The following JPH2 variants were observed in gnomAD, a reference collection of about 807,000 sequenced individuals.
The protein encoded by JPH2 is junctophilin 2.
In JPH2, 38 loss-of-function variants were observed where a neutral mutation model predicts 55.9. The observed-to-expected ratio is 0.68, with a 90% CI of 0.52 to 0.89. The LOEUF is 0.89. Among genes scored for constraint, JPH2 ranks in the 40% least tolerant of loss-of-function variants. The pLI, the probability that JPH2 is intolerant of heterozygous loss-of-function variation, is 0.00. For synonymous variants in JPH2, 480 were observed against 472.4 expected (o/e 1.02, Z -0.21); for missense variants, 964 against 1,037.6 (o/e 0.93, Z 0.97).
chr20:44,180,287 T>A (rs1039594368), intron 1 of JPH2, among the ~76,000 whole-genome samples: 10 of 152,182 alleles, frequency 6.6e-5, no homozygotes, highest in Non-Finnish European at 1.3e-4. Context: ...TGCCTGGGAC[T>A]TAGTAAGCAC....
chr20:44,141,257 G>C (rs1286669293), intron 2 of JPH2, among the ~76,000 whole-genome samples: 1 of 152,186 alleles, frequency 6.6e-6, no homozygotes, highest in Non-Finnish European at 1.5e-5. Flanking sequence ...CTACATCTGG[G>C]GAAGGTCTTC....
intron 2 of JPH2, among the ~76,000 whole-genome samples, chr20:44,126,192 G>A (rs6065706): frequency 0.21 from 9,705 of 46,344 alleles, 878 homozygotes; most frequent in Admixed American, 0.3. Flanking sequence ...GGAAGGAAGG[G>A]AGGAAGGAAG....
intron 3 of JPH2, among the ~76,000 whole-genome samples, chr20:44,117,254 G>A (rs2072199680): frequency 6.6e-6 from 1 of 151,576 alleles, no homozygotes; most frequent in Admixed American, 6.6e-5. Flanking sequence ...ACTCCAGCCT[G>A]GTGACAGAGC....
chr20:44,120,613 T>C (rs917395301), intron 2 of JPH2, among the ~76,000 whole-genome samples: 3 of 152,184 alleles, frequency 2.0e-5, no homozygotes, highest in African/African-American at 7.2e-5. Context: ...AACTGGGATT[T>C]TGAACCCAGG....
At chr20:44,126,667 T>C (rs566232804) in intron 2 of JPH2, among the ~76,000 whole-genome samples, 10 of 152,160 alleles carry the variant, frequency 6.6e-5, no homozygotes, top group Non-Finnish European at 1.2e-4. Context: ...CCCTGACCCA[T>C]GGGACCTTCC....
At chr20:44,166,594 A>G (rs1490356080) in intron 1 of JPH2, among the ~76,000 whole-genome samples, 2 of 152,114 alleles carry the variant, frequency 1.3e-5, no homozygotes, top group Non-Finnish European at 1.5e-5. Context: ...CAGTCAGGCT[A>G]TATTAGGAAA....
chr20:44,151,586 T>C (rs1382258440), intron 2 of JPH2, among the ~76,000 whole-genome samples: 1 of 152,034 alleles, frequency 6.6e-6, no homozygotes, highest in East Asian at 1.9e-4. Context: ...GGGCAGCCAT[T>C]AGCTAGGAAG....
intron 1 of JPH2, chr20:44,177,876 T>C: frequency 3.7e-6 from 6 of 1,611,582 alleles, no homozygotes; most frequent in Non-Finnish European, 5.1e-6. Flanking sequence ...CGGGAATATA[T>C]ATTTTGGCAT....
intron 2 of JPH2, among the ~76,000 whole-genome samples, chr20:44,125,010 G>A (rs1402381101): frequency 1.3e-5 from 2 of 151,606 alleles, no homozygotes; most frequent in African/African-American, 4.8e-5. Context: ...TTAGAAGGCT[G>A]AGGCAGAGAA....
chr20:44,129,272 C>T (rs1445427437), intron 2 of JPH2, among the ~76,000 whole-genome samples: 2 of 152,054 alleles, frequency 1.3e-5, no homozygotes, highest in East Asian at 1.9e-4. Flanking sequence ...TGCTGCTTAG[C>T]GGCCGGGCGC....
At chr20:44,134,613 A>AT (rs1161930298) in intron 2 of JPH2, among the ~76,000 whole-genome samples, 2 of 4,194 alleles carry the variant, frequency 4.8e-4, no homozygotes, top group African/African-American at 2.0e-3. Flanking sequence ...TATTATAAAT[A>AT]TAATAAATAT....
chr20:44,159,620 G>A lies in JPH2; in HGVS notation c.1167C>T (p.Ser389=). 1.2e-6 allele frequency: 2 copies of A among 1,601,492 alleles called. No individual in the cohort carries two copies. Among genetic ancestry groups the A allele is most frequent in the Non-Finnish European group, 1.7e-6 (2 of 1,179,320 alleles). Residue 389 remains serine (S), a splice_region_variant and synonymous_variant, in exon 2 of 6, where the codon TCC becomes TCT. Transcript: ENST00000372980. The surrounding 1 kb of genome is among the most constrained non-coding windows in gnomAD (Gnocchi z 5.7). ...IARQKAEIAA[S]RTSHAKAKAE... is the part of the protein sequence containing the mutation. ...TCCCACCCCCACCGCTGTCCTACCT[G>A]GAGGCGGCAATCTCGGCCTTCTGGC... is the stretch of plus-strand genomic sequence containing the variant.
At chr20:44,123,051 CT>C (rs975430538) in intron 2 of JPH2, among the ~76,000 whole-genome samples, 5 of 152,200 alleles carry the variant, frequency 3.3e-5, no homozygotes, top group African/African-American at 1.2e-4. Flanking sequence ...CCCCACAGCC[CT>C]GGAAGATTCT....
At chr20:44,123,212 C>T (rs1239871613) in intron 2 of JPH2, among the ~76,000 whole-genome samples, 1 of 152,192 alleles carries the variant, frequency 6.6e-6, no homozygotes, top group Non-Finnish European at 1.5e-5. Flanking sequence ...TCCCATGCTC[C>T]CAATCTCTGA....
At chr20:44,147,466 A>G (rs2072501107) in intron 2 of JPH2, among the ~76,000 whole-genome samples, 1 of 152,252 alleles carries the variant, frequency 6.6e-6, no homozygotes, top group Admixed American at 6.5e-5. Context: ...AGATCTCAAA[A>G]CATATTACAT....
chr20:44,175,315 A>G lies in JPH2; in HGVS notation c.379+11012T>C, dbSNP rs77645433. On this transcript the variant is annotated intron_variant, in intron 1 of 5. Coordinates refer to ENST00000372980, the MANE Select transcript of JPH2 (RefSeq NM_020433.5). ...TATAATGGCTTAGATTTCTTTCTGTATGAATATAGGTGGGTCCACCTCTGT... is the reference window on the plus strand; with the variant it reads ...TATAATGGCTTAGATTTCTTTCTGTGTGAATATAGGTGGGTCCACCTCTGT... Among the ~76,000 whole-genome samples the G allele has an allele frequency of 5.4e-4, 83 of 152,350 alleles. No individual in the cohort carries two copies. In the East Asian group the frequency reaches 0.015, roughly 27 times the overall value.
At position 44,111,756 on chromosome 20, in the gene JPH2, A is replaced by T. The variant is rs1055050676; in HGVS notation, c.*1762T>A. The T allele has an allele frequency of 6.6e-6, 1 of 151,176 alleles. No homozygotes were observed. The highest frequency in any genetic ancestry group is 2.4e-5 in the African/African-American group (1 of 40,990). The allele number at this position is 151,176 out of a possible 1,614,324, so 9.4% of individuals were successfully genotyped here. A position where few individuals can be genotyped will look rare whatever the true frequency, so the allele number is the denominator to read the frequency against. ...TGCAGCATCCTGAACCCCAAACCCA[A>T]CCCCAAACACCAGCCCCCAAACTTG... On this transcript the variant is annotated 3_prime_UTR_variant, in exon 6 of 6. Transcript: ENST00000372980.
chr20:44,116,430 C>T, intron 3 of JPH2, 44 bp from the exon 4 acceptor site: 1 of 1,540,320 alleles, frequency 6.5e-7, no homozygotes, highest in Non-Finnish European at 8.7e-7. Flanking sequence ...CCCCGCACCA[C>T]TGTTGGGTGA....
intron 2 of JPH2, among the ~76,000 whole-genome samples, chr20:44,149,846 C>T (rs559559936): frequency 2.0e-4 from 30 of 151,698 alleles, no homozygotes; most frequent in Admixed American, 1.1e-3. Flanking sequence ...GGAGTGGCGG[C>T]GCATGCCTGT....
Sources: gnomAD v4.1 joint callset for allele counts (sites outside exome capture counted in the v4.1 genomes callset) on GRCh38, gnomAD v4.1.1 for gene constraint, Gnocchi (gnomAD v3.1) non-coding constraint, MANE v1.5 for transcripts, NCBI Gene and HGNC (gene_info 2026-07-23, HGNC 2026-07-21) for gene names.